BCL11A: variants seen among roughly 807,000 people sequenced by gnomAD.
BCL11A encodes BCL11 transcription factor A, also known as B cell CLL/lymphoma 11A.
BCL11A carries 2 observed loss-of-function variants against 55.9 expected under a neutral mutation model. The ratio of observed to expected loss-of-function variants is 0.04; its 90% CI spans 0.01 to 0.11. The LOEUF (loss-of-function observed/expected upper bound fraction) is 0.11, where lower values mean the gene tolerates loss of function less well. Among genes scored for constraint, BCL11A ranks in the 10% least tolerant of loss-of-function variants. The pLI is 1.00. For missense variants in BCL11A, 817 were observed against 1,137.1 expected, an observed-to-expected ratio of 0.72 and a Z score of 4.05; for synonymous variants, 465 against 473.4, an observed-to-expected ratio of 0.98 and a Z score of 0.23.
rs115990154 is a variant in BCL11A, at chr2:60,461,178, G to A, written c.1734C>T (p.Ala578=). ...CGTCGCAAGTGTCCCTGTGGCCCTC[G>A]GCCTCGGCCAGGTGGCCGCGCTTAT... ...EKHKRGHLAE[A]EGHRDTCDED... The change falls in exon 4 of 4, where the codon GCC becomes GCT. Residue 578 remains alanine (A), a synonymous_variant. Transcript: ENST00000642384. The A allele has an allele frequency of 6.4e-5, 103 of 1,612,638 alleles. No individual in the cohort carries two copies. The East Asian group carries it at 2.3e-3, about 36-fold the overall frequency.
chr2:60,526,387 G>C (rs996400822), intron 2 of BCL11A: 6 of 152,184 alleles, frequency 3.9e-5, no homozygotes, highest in Admixed American at 3.9e-4. Context: ...AGCAGCATAT[G>C]TTTATCCTTT....
At chr2:60,540,117 G>C (rs1467505130) in intron 2 of BCL11A, among the ~76,000 whole-genome samples, 1 of 152,020 alleles carries the variant, frequency 6.6e-6, no homozygotes, top group Non-Finnish European at 1.5e-5. Context: ...TGTTAAAAGT[G>C]GGCTCTAAGT....
chr2:60,529,199 G>C (rs1298445980), intron 2 of BCL11A, among the ~76,000 whole-genome samples: 1 of 152,166 alleles, frequency 6.6e-6, no homozygotes, highest in African/African-American at 2.4e-5. Context: ...GAGACCCCAG[G>C]AGCACACAGT....
chr2:60,502,977 C>T (rs890456545), intron 2 of BCL11A, among the ~76,000 whole-genome samples: 2 of 152,202 alleles, frequency 1.3e-5, no homozygotes, highest in Non-Finnish European at 2.9e-5. Flanking sequence ...GTCCAAACAC[C>T]TCCTTGTCTT....
At chr2:60,553,137 C>T (rs1306626297) in intron 1 of BCL11A, 79 bp downstream of exon 1, 1 of 1,443,222 alleles carries the variant, frequency 6.9e-7, no homozygotes, top group African/African-American at 1.5e-5. Context: ...ACACCCCTCT[C>T]TCCCCCTCGC....
intron 2 of BCL11A, chr2:60,545,062 T>C (rs1359319944): frequency 6.6e-6 from 1 of 152,252 alleles, no homozygotes; most frequent in Non-Finnish European, 1.5e-5. Flanking sequence ...CATTGTGTTA[T>C]AGCAGAAACA....
chr2:60,497,363 G>A (rs1256625389), intron 2 of BCL11A, among the ~76,000 whole-genome samples: 1 of 152,176 alleles, frequency 6.6e-6, no homozygotes, highest in Non-Finnish European at 1.5e-5. Context: ...AATATGAATA[G>A]CTAGTATTCA....
intron 2 of BCL11A, among the ~76,000 whole-genome samples, chr2:60,506,884 G>A (rs1281509086): frequency 6.6e-6 from 1 of 152,002 alleles, no homozygotes; most frequent in Non-Finnish European, 1.5e-5. Context: ...GCTACCTGAT[G>A]GCATTATCTA....
chr2:60,525,535 G>GC (rs1015860093), intron 2 of BCL11A: 2 of 152,040 alleles, frequency 1.3e-5, no homozygotes, highest in African/African-American at 4.8e-5. Context: ...TTGCAGGTGA[G>GC]CCCCATTCAG....
chr2:60,537,682 C>G (rs545251003), intron 2 of BCL11A: 1 of 152,198 alleles, frequency 6.6e-6, no homozygotes, highest in African/African-American at 2.4e-5. Context: ...TTCCTTGCAG[C>G]CTTTTTATGC....
intron 2 of BCL11A, among the ~76,000 whole-genome samples, chr2:60,479,162 G>A (rs1677804448): frequency 6.6e-6 from 1 of 152,134 alleles, no homozygotes; most frequent in Non-Finnish European, 1.5e-5. Context: ...TAATTCTGCT[G>A]ATTCCATATG....
intron 3 of BCL11A, among the ~76,000 whole-genome samples, chr2:60,467,684 G>A (rs1314691521): frequency 1.0e-5 from 1 of 99,690 alleles, no homozygotes; most frequent in African/African-American, 4.0e-5. Context: ...GATGGTGATG[G>A]TGGTGGTGGT....
At position 60,459,288 on chromosome 2, in the gene BCL11A, A is replaced by G; in HGVS notation, c.*1116T>C. On this transcript the variant is annotated 3_prime_UTR_variant, in exon 4 of 4. Transcript: ENST00000642384. ...TTGGTGCCAGTATTTTTAAAAAGAC[A>G]TTATTAAAGCAAATATCTTCATAAA... is the stretch of plus-strand genomic sequence containing the variant. 9.8e-7 allele frequency: 1 copy of G among 1,017,276 alleles called. No homozygotes were observed. Among genetic ancestry groups the G allele is most frequent in the Non-Finnish European group, 1.2e-6 (1 of 847,984 alleles). 63.0% of individuals were successfully genotyped at this position (1,017,276 alleles called of 1,614,324 possible).
chr2:60,513,061 C>T (rs1668552730), intron 2 of BCL11A, among the ~76,000 whole-genome samples: 1 of 152,114 alleles, frequency 6.6e-6, no homozygotes, highest in South Asian at 2.1e-4. Flanking sequence ...GAAAGGACCC[C>T]CAGAACAGTC....
chr2:60,490,248 C>T (rs941823094), intron 2 of BCL11A, among the ~76,000 whole-genome samples: 1 of 152,302 alleles, frequency 6.6e-6, no homozygotes. Context: ...ATTTCAACAA[C>T]TCATCCACCC....
intron 2 of BCL11A, among the ~76,000 whole-genome samples, chr2:60,480,421 C>T (rs571452805): frequency 3.3e-5 from 5 of 152,290 alleles, no homozygotes; most frequent in African/African-American, 1.2e-4. Flanking sequence ...AGGATTCAAG[C>T]GCTGTGCAGT....
intron 2 of BCL11A, chr2:60,526,543 TTAA>T: frequency 6.6e-6 from 1 of 152,332 alleles, no homozygotes; most frequent in Middle Eastern, 3.4e-3. Flanking sequence ...TAATTAGAAC[TTAA>T]TAATTTGCAT....
chr2:60,489,334 A>T (rs565306687), intron 2 of BCL11A, among the ~76,000 whole-genome samples: 1 of 152,340 alleles, frequency 6.6e-6, no homozygotes, highest in South Asian at 2.1e-4. Context: ...TTCATACAAT[A>T]GAGGCATTTG....
intron 2 of BCL11A, among the ~76,000 whole-genome samples, chr2:60,518,121 G>A (rs1202960139): frequency 2.0e-5 from 3 of 152,136 alleles, no homozygotes; most frequent in African/African-American, 4.8e-5. Context: ...GCAAAACCCT[G>A]TCTCTACAAA....
Sources: gnomAD v4.1 joint callset for allele counts (sites outside exome capture counted in the v4.1 genomes callset) on GRCh38, gnomAD v4.1.1 for gene constraint, MANE v1.5 for transcripts, NCBI Gene and HGNC (gene_info 2026-07-23, HGNC 2026-07-21) for gene names.